RANBP2: variants seen among roughly 807,000 people sequenced by gnomAD.
RANBP2 encodes the protein RAN binding protein 2, also known as E3 SUMO-protein ligase RanBP2.
Under a neutral mutation model 303.6 loss-of-function variants are expected in RANBP2, and 57 were observed. That is an observed-to-expected ratio of 0.19 (90% CI 0.15 to 0.23). The LOEUF is 0.23. RANBP2 is among the 10% of genes least tolerant of loss of function. The pLI is 1.00. For missense variants in RANBP2, 3,138 were observed against 3,780.8 expected (o/e 0.83, Z 4.46); for synonymous variants, 1,167 against 1,301.5 (o/e 0.90, Z 2.23).
the RANBP2 span, among the ~76,000 whole-genome samples, chr2:109,268,572 G>C: frequency 7.9e-5 from 12 of 151,904 alleles, 1 homozygote; most frequent in South Asian, 4.2e-4. Context: ...GGGCTTGACT[G>C]GGCCTCGCTC....
At chr2:109,336,271 T>C in the RANBP2 span, among the ~76,000 whole-genome samples, 1 of 152,228 alleles carries the variant, frequency 6.6e-6, no homozygotes, top group Non-Finnish European at 1.5e-5. Context: ...TCTTGTTCTC[T>C]AGACTAGGTA....
At chr2:109,459,891 G>A in the RANBP2 span, among the ~76,000 whole-genome samples, 2 of 152,140 alleles carry the variant, frequency 1.3e-5, no homozygotes, top group Admixed American at 1.3e-4. Context: ...TGATTCCTGG[G>A]CCCATGAGTC....
the RANBP2 span, among the ~76,000 whole-genome samples, chr2:109,743,634 C>A: frequency 8.1e-6 from 1 of 123,506 alleles, no homozygotes; most frequent in Non-Finnish European, 1.8e-5. Context: ...CTTTTTGCAA[C>A]TTTTAGTTTT....
the RANBP2 span, among the ~76,000 whole-genome samples, chr2:108,810,061 C>A: frequency 6.6e-6 from 1 of 152,196 alleles, no homozygotes; most frequent in South Asian, 2.1e-4. Context: ...CTGCCTCGGC[C>A]TCCCATATTG....
At chr2:109,009,711 GT>G in the RANBP2 span, among the ~76,000 whole-genome samples, 126 of 104,028 alleles carry the variant, frequency 1.2e-3, no homozygotes, top group Non-Finnish European at 2.0e-3. Flanking sequence ...CCTTTTTTTT[GT>G]TTTTTTTTTT....
rs1271376901 is a variant in RANBP2 at position 108,784,739 on chromosome 2, A to G, written c.*838A>G. 6.6e-6 allele frequency: 1 copy of G among 152,650 alleles called. No homozygotes were observed. The highest frequency in any genetic ancestry group is 1.5e-5 in the Non-Finnish European group (1 of 68,034). 9.5% of individuals were successfully genotyped at this position (152,650 alleles called of 1,614,324 possible). On this transcript the variant is annotated 3_prime_UTR_variant, in exon 29 of 29. Transcript: ENST00000283195. The stretch of plus-strand genomic sequence containing the variant: ...GATTTGCTTTATACAAGATTGTTGC[A>G]GTACCTTTTTCTGGTAAATTTTGTA...
chr2:108,802,831 C>G, the RANBP2 span, among the ~76,000 whole-genome samples: 193 of 152,236 alleles, frequency 1.3e-3, 1 homozygote, highest in African/African-American at 4.4e-3. Context: ...TGAGAGTTTT[C>G]AGCATGAAGG....
chr2:109,593,720 T>TA, the RANBP2 span, among the ~76,000 whole-genome samples: 1 of 152,030 alleles, frequency 6.6e-6, no homozygotes, highest in African/African-American at 2.4e-5. Context: ...TTTTTAAAGA[T>TA]ACTCTAAGAG....
At chr2:109,680,029 A>G in the RANBP2 span, among the ~76,000 whole-genome samples, 1 of 151,980 alleles carries the variant, frequency 6.6e-6, no homozygotes, top group Non-Finnish European at 1.5e-5. Context: ...GGTAACCTAG[A>G]GAGAAAAAAT....
chr2:109,007,868 TAATC>T, the RANBP2 span, among the ~76,000 whole-genome samples: 1 of 25,850 alleles, frequency 3.9e-5, no homozygotes, highest in Non-Finnish European at 7.4e-5. Context: ...CATGCTCACA[TAATC>T]AAGAAACCAC....
the RANBP2 span, among the ~76,000 whole-genome samples, chr2:109,247,981 G>A: frequency 1.3e-5 from 2 of 152,110 alleles, no homozygotes; most frequent in East Asian, 1.9e-4. Context: ...CATCATAATT[G>A]TTGTTGTCTC....
At chr2:109,661,311 A>T in the RANBP2 span, among the ~76,000 whole-genome samples, 2 of 149,916 alleles carry the variant, frequency 1.3e-5, no homozygotes, top group Non-Finnish European at 2.9e-5. Flanking sequence ...CAATGGCACG[A>T]TCTCAGCTCA....
At chr2:109,672,892 G>A in the RANBP2 span, among the ~76,000 whole-genome samples, 1 of 152,144 alleles carries the variant, frequency 6.6e-6, no homozygotes, top group Non-Finnish European at 1.5e-5. Context: ...TTGCCTCAAT[G>A]TTTTAAAGCA....
the RANBP2 span, among the ~76,000 whole-genome samples, chr2:109,204,784 T>C: frequency 6.6e-6 from 1 of 152,236 alleles, no homozygotes; most frequent in Non-Finnish European, 1.5e-5. Context: ...CTAGATTTAT[T>C]GGGTCATTTC....
At chr2:109,729,133 C>T in the RANBP2 span, among the ~76,000 whole-genome samples, 5 of 152,276 alleles carry the variant, frequency 3.3e-5, no homozygotes, top group African/African-American at 9.6e-5. Context: ...GACTCCCAGT[C>T]CAGCAAAGCC....
chr2:109,761,662 C>T, the RANBP2 span, among the ~76,000 whole-genome samples: 1 of 148,658 alleles, frequency 6.7e-6, no homozygotes, highest in Non-Finnish European at 1.5e-5. Context: ...CAACCCGCCA[C>T]TATCTCTTAA....
chr2:109,374,643 A>G, the RANBP2 span, among the ~76,000 whole-genome samples: 53 of 152,286 alleles, frequency 3.5e-4, no homozygotes, highest in African/African-American at 1.3e-3. Context: ...CCCCTGGTGC[A>G]AGAAGGAATG....
Position 108,767,201 on chromosome 2 carries a change from C to A in RANBP2, c.6662C>A (p.Thr2221Lys), listed in dbSNP as rs1202084598. 6.2e-7 allele frequency: 1 copy of A among 1,612,034 alleles called. No homozygotes were observed. The highest frequency in any genetic ancestry group is 2.2e-5 in the East Asian group (1 of 44,884). The change falls in exon 20 of 29, where the codon ACA becomes AAA. Residue 2221 changes from threonine (T) to lysine (K), a missense_variant. By Grantham distance (78) the Thr-to-Lys change is moderately conservative. Coordinates refer to ENST00000283195, the MANE Select transcript of RANBP2 (RefSeq NM_006267.5). ...CCCAATCCTGAAAACACTGGGCCCA[C>A]ATTAGAATGGGATAACTATGATTTA... ...IKPNPENTGP[T>K]LEWDNYDLRE...
At chr2:109,546,788 A>T in the RANBP2 span, among the ~76,000 whole-genome samples, 1 of 152,240 alleles carries the variant, frequency 6.6e-6, no homozygotes, top group African/African-American at 2.4e-5. Context: ...GGCTTAAAAA[A>T]ATCCTAAATT....
Sources: allele counts gnomAD v4.1 joint callset (sites outside exome capture counted in the v4.1 genomes callset), GRCh38; gene constraint gnomAD v4.1.1; transcripts MANE v1.5; gene names NCBI Gene and HGNC (gene_info 2026-07-23, HGNC 2026-07-21).